The following DOCK3 variants were observed in gnomAD, a reference collection of about 807,000 sequenced individuals.
DOCK3 encodes dedicator of cytokinesis protein 3.
Under a neutral mutation model 265.6 loss-of-function variants are expected in DOCK3, and 60 were observed. That is an observed-to-expected ratio of 0.23 (90% CI 0.18 to 0.28). The LOEUF is 0.28. DOCK3 is among the 10% of genes least tolerant of loss of function. The pLI is 1.00. For missense variants in DOCK3, 1,981 were observed against 2,594.3 expected (o/e 0.76, Z 5.14); for synonymous variants, 881 against 938.0 (o/e 0.94, Z 1.11).
At chr3:51,379,533 T>G (rs1553617813) in intron 51 of DOCK3, 1 of 985,318 alleles carries the variant, frequency 1.0e-6, no homozygotes, top group African/African-American at 1.7e-5. Context: ...ATGGGGCGCA[T>G]CCTGGCCCCC....
intron 32 of DOCK3, among the ~76,000 whole-genome samples, chr3:51,318,507 A>G (rs1295722062): frequency 1.3e-5 from 2 of 152,186 alleles, no homozygotes; most frequent in African/African-American, 4.8e-5. Context: ...GATCTTACAC[A>G]TATATTATTA....
intron 9 of DOCK3, among the ~76,000 whole-genome samples, chr3:51,118,614 A>G (rs2083864742): frequency 6.6e-6 from 1 of 152,188 alleles, no homozygotes; most frequent in African/African-American, 2.4e-5. Context: ...TAGATCCCTA[A>G]GAACTTGCTT....
At chr3:50,793,286 G>A (rs942168439) in intron 2 of DOCK3, among the ~76,000 whole-genome samples, 2 of 151,182 alleles carry the variant, frequency 1.3e-5, no homozygotes, top group African/African-American at 2.4e-5. Flanking sequence ...TGTTTATTTG[G>A]ATATTCACTT....
intron 14 of DOCK3, among the ~76,000 whole-genome samples, chr3:51,220,447 A>C (rs1002317290): frequency 1.3e-5 from 2 of 151,980 alleles, no homozygotes; most frequent in African/African-American, 4.8e-5. Flanking sequence ...ACCTGAGGTC[A>C]GGAGTTCCAG....
intron 3 of DOCK3, among the ~76,000 whole-genome samples, chr3:50,874,169 T>G (rs1231272468): frequency 6.6e-6 from 1 of 151,834 alleles, no homozygotes; most frequent in Non-Finnish European, 1.5e-5. Flanking sequence ...ATTGGTATTT[T>G]GATAGGAATT....
chr3:51,019,256 A>G (rs1241163085), intron 5 of DOCK3, among the ~76,000 whole-genome samples: 2 of 151,858 alleles, frequency 1.3e-5, no homozygotes, highest in Non-Finnish European at 2.9e-5. Context: ...TTCCTTTTAC[A>G]TTCAGATCTA....
At chr3:51,271,235 C>T (rs2080477666) in intron 24 of DOCK3, among the ~76,000 whole-genome samples, 1 of 152,196 alleles carries the variant, frequency 6.6e-6, no homozygotes, top group African/African-American at 2.4e-5. Flanking sequence ...CACATAGGGG[C>T]ATGTCACTGG....
At chr3:51,250,657 A>C (rs967349700) in intron 22 of DOCK3, among the ~76,000 whole-genome samples, 1 of 152,174 alleles carries the variant, frequency 6.6e-6, no homozygotes, top group Non-Finnish European at 1.5e-5. Context: ...GATGAGTACT[A>C]TGAAGGAAAT....
chr3:51,042,816 C>T (rs1335930793), intron 5 of DOCK3, among the ~76,000 whole-genome samples: 4 of 152,074 alleles, frequency 2.6e-5, no homozygotes, highest in Non-Finnish European at 5.9e-5. Context: ...AGCCAAGAGC[C>T]AAATCATGAA....
chr3:51,027,407 TG>T (rs2108923483), intron 5 of DOCK3, among the ~76,000 whole-genome samples: 1 of 152,230 alleles, frequency 6.6e-6, no homozygotes, highest in Admixed American at 6.5e-5. Context: ...TATGTATAGA[TG>T]AGCAAACTGT....
rs748837197 is a variant in DOCK3, at chr3:51,316,137, A to G, written c.3402+1009A>G. Among the ~76,000 whole-genome samples the G allele has an allele frequency of 9.2e-5, 14 of 152,342 alleles. No homozygotes were observed. The South Asian group carries it at 2.1e-3, about 23-fold the overall frequency. Reference sequence around the variant, plus strand: ...ACTTAAAAATTCAGTCTTGCTGTCTATTTGTAGTCAAACCCTTCCCCTGTT... The same window carrying G: ...ACTTAAAAATTCAGTCTTGCTGTCTGTTTGTAGTCAAACCCTTCCCCTGTT... On this transcript the variant is annotated intron_variant, in intron 32 of 52. Coordinates refer to ENST00000266037, the MANE Select transcript of DOCK3 (RefSeq NM_004947.5).
At chr3:51,025,935 T>A (rs962577969) in intron 5 of DOCK3, among the ~76,000 whole-genome samples, 21 of 152,294 alleles carry the variant, frequency 1.4e-4, no homozygotes, top group African/African-American at 4.8e-4. Context: ...CTTCTCACAC[T>A]CTGAGAACTT....
chr3:51,328,136 A>C (rs2084272588), intron 32 of DOCK3, among the ~76,000 whole-genome samples: 1 of 152,170 alleles, frequency 6.6e-6, no homozygotes, highest in Non-Finnish European at 1.5e-5. Flanking sequence ...ATTTCTAACA[A>C]GATCTCTGGT....
intron 9 of DOCK3, among the ~76,000 whole-genome samples, chr3:51,114,408 A>G (rs535346178): frequency 2.0e-5 from 3 of 152,330 alleles, no homozygotes; most frequent in East Asian, 3.9e-4. Context: ...TCACACCAGC[A>G]TCAATGCCAG....
intron 23 of DOCK3, among the ~76,000 whole-genome samples, chr3:51,264,563 C>T (rs1191266448): frequency 6.6e-6 from 1 of 151,950 alleles, no homozygotes; most frequent in African/African-American, 2.4e-5. Context: ...CTTGGTGGCT[C>T]ACACCTGTAA....
chr3:50,790,996 T>C (rs2108603169), intron 2 of DOCK3, among the ~76,000 whole-genome samples: 1 of 152,264 alleles, frequency 6.6e-6, no homozygotes, highest in East Asian at 1.9e-4. Flanking sequence ...TTAAGTTCCT[T>C]GTAGACGATA....
intron 24 of DOCK3, among the ~76,000 whole-genome samples, chr3:51,273,932 C>A (rs1419733425): frequency 2.0e-5 from 3 of 152,174 alleles, no homozygotes; most frequent in African/African-American, 7.2e-5. Flanking sequence ...TGTCTCCTAA[C>A]CTTCCTTGTG....
At chr3:51,063,502 C>G (rs1307946201) in intron 5 of DOCK3, among the ~76,000 whole-genome samples, 1 of 152,176 alleles carries the variant, frequency 6.6e-6, no homozygotes, top group South Asian at 2.1e-4. Flanking sequence ...TTTATAGCTT[C>G]TTTGACTTGA....
At chr3:50,964,231 T>C (rs192201086) in intron 5 of DOCK3, among the ~76,000 whole-genome samples, 1 of 152,276 alleles carries the variant, frequency 6.6e-6, no homozygotes, top group Admixed American at 6.5e-5. Context: ...TTTAACTGCA[T>C]ACCAGAATAA....
Sources: allele counts gnomAD v4.1 joint callset (sites outside exome capture counted in the v4.1 genomes callset), GRCh38; gene constraint gnomAD v4.1.1; transcripts MANE v1.5; gene names NCBI Gene and HGNC (gene_info 2026-07-23, HGNC 2026-07-21).